TOX: variants seen among roughly 807,000 people sequenced by gnomAD.
TOX encodes the protein thymocyte selection associated high mobility group box.
In TOX, 11 loss-of-function variants were observed where a neutral mutation model predicts 53.7. That is an observed-to-expected ratio of 0.20 (90% CI 0.13 to 0.34). The LOEUF (loss-of-function observed/expected upper bound fraction) is 0.34. Ranked by LOEUF, TOX falls within the 10% of genes least tolerant of loss-of-function variation. The probability of loss-of-function intolerance (pLI) is 1.00; values close to 1 mark genes in which losing one functional copy is unlikely to be tolerated. For missense variants in TOX, 570 were observed against 664.6 expected, an observed-to-expected ratio of 0.86 and a Z score of 1.56; for synonymous variants, 225 against 245.3, an observed-to-expected ratio of 0.92 and a Z score of 0.77.
In TOX at chr8:58,806,504, CTGTT is replaced by C. The variant is rs754780518; in HGVS notation, c.*1239_*1242del. 36 of 152,236 alleles carry C rather than the reference CTGTT, an allele frequency of 2.4e-4. No homozygotes were observed. The highest frequency in any genetic ancestry group is 8.5e-4 in the African/African-American group (35 of 41,394). The allele number at this position is 152,236 out of a possible 1,614,324, so 9.4% of individuals were successfully genotyped here. On this transcript the variant is annotated 3_prime_UTR_variant, in exon 9 of 9. Transcript: ENST00000361421. ...AACCTTTTTAAGACAGAGGACCTGT[CTGTT>C]TGTTTAGTCTTGGAGCTTGTGTGAC... is the stretch of plus-strand genomic sequence containing the variant.
intron 1 of TOX, among the ~76,000 whole-genome samples, chr8:58,985,004 G>A (rs1338556354): frequency 1.3e-5 from 2 of 150,634 alleles, no homozygotes; most frequent in Non-Finnish European, 3.0e-5. Context: ...AGTCTATATA[G>A]ACTATGGACA....
At chr8:58,908,451 C>T (rs370887234) in intron 3 of TOX, among the ~76,000 whole-genome samples, 6 of 152,180 alleles carry the variant, frequency 3.9e-5, no homozygotes, top group African/African-American at 1.4e-4. Context: ...CCACGCTGTT[C>T]CCCATGCCTT....
At chr8:59,037,509 A>C (rs1184510217) in intron 1 of TOX, among the ~76,000 whole-genome samples, 1 of 152,140 alleles carries the variant, frequency 6.6e-6, no homozygotes, top group East Asian at 1.9e-4. Context: ...TTGGGTCTAC[A>C]TATTTCTTCA....
At chr8:59,070,658 T>C (rs1318006614) in intron 1 of TOX, among the ~76,000 whole-genome samples, 1 of 152,116 alleles carries the variant, frequency 6.6e-6, no homozygotes, top group African/African-American at 2.4e-5. Flanking sequence ...ATGCGTCCTC[T>C]ACTAAGATCC....
chr8:59,004,277 A>C (rs1019574635), intron 1 of TOX, among the ~76,000 whole-genome samples: 1 of 152,324 alleles, frequency 6.6e-6, no homozygotes, highest in South Asian at 2.1e-4. Flanking sequence ...CCATGTTCTA[A>C]TTTATCTTTG....
chr8:59,061,839 C>G (rs992258369), intron 1 of TOX, among the ~76,000 whole-genome samples: 10 of 152,066 alleles, frequency 6.6e-5, no homozygotes, highest in Non-Finnish European at 1.3e-4. Context: ...CCATGCCCAG[C>G]CCCTGCCAGG....
At chr8:59,002,232 C>T (rs1813702745) in intron 1 of TOX, among the ~76,000 whole-genome samples, 1 of 147,830 alleles carries the variant, frequency 6.8e-6, no homozygotes, top group South Asian at 2.6e-4. Flanking sequence ...CCTCGGCCTC[C>T]CAAAGTGCTG....
At chr8:58,978,618 G>A (rs948263615) in intron 1 of TOX, among the ~76,000 whole-genome samples, 1 of 152,150 alleles carries the variant, frequency 6.6e-6, no homozygotes, top group Non-Finnish European at 1.5e-5. Flanking sequence ...TAGGTACACA[G>A]CAAAACTGAG....
chr8:59,055,391 A>G (rs1024880564), intron 1 of TOX, among the ~76,000 whole-genome samples: 3 of 152,186 alleles, frequency 2.0e-5, no homozygotes, highest in Non-Finnish European at 4.4e-5. Context: ...ACAAGGGCCC[A>G]CATGAATGCT....
intron 5 of TOX, among the ~76,000 whole-genome samples, chr8:58,831,692 T>C (rs1810456558): frequency 6.6e-6 from 1 of 152,190 alleles, no homozygotes; most frequent in Non-Finnish European, 1.5e-5. Context: ...AGGCCTGGTC[T>C]CTTTTGTTCA....
intron 4 of TOX, among the ~76,000 whole-genome samples, chr8:58,848,264 A>G (rs1482383281): frequency 6.6e-6 from 1 of 152,028 alleles, no homozygotes; most frequent in African/African-American, 2.4e-5. Flanking sequence ...TAATCTCAAA[A>G]TGGGAAATTA....
chr8:58,981,153 T>C (rs1474247880), intron 1 of TOX, among the ~76,000 whole-genome samples: 1 of 152,206 alleles, frequency 6.6e-6, no homozygotes, highest in Non-Finnish European at 1.5e-5. Flanking sequence ...AGTTACCACA[T>C]AGAACTGAAC....
At chr8:58,822,256 T>G (rs1810294098) in intron 6 of TOX, among the ~76,000 whole-genome samples, 1 of 152,250 alleles carries the variant, frequency 6.6e-6, no homozygotes, top group South Asian at 2.1e-4. Context: ...AATGTGGACT[T>G]AAACACCTTT....
At chr8:58,929,300 A>T (rs2129175545) in intron 3 of TOX, among the ~76,000 whole-genome samples, 1 of 152,316 alleles carries the variant, frequency 6.6e-6, no homozygotes, top group African/African-American at 2.4e-5. Flanking sequence ...AGTCAAATCT[A>T]GTATTTTAAT....
intron 1 of TOX, among the ~76,000 whole-genome samples, chr8:59,052,903 CAT>C (rs1324442721): frequency 2.0e-5 from 3 of 152,060 alleles, no homozygotes; most frequent in African/African-American, 7.2e-5. Flanking sequence ...TTTCGTATCA[CAT>C]ATATAGAACC....
At chr8:58,855,787 A>G (rs1007463565) in intron 3 of TOX, among the ~76,000 whole-genome samples, 10 of 152,110 alleles carry the variant, frequency 6.6e-5, no homozygotes, top group Non-Finnish European at 4.4e-5. Context: ...CATCTACTCT[A>G]TTGTTCAGTC....
chr8:59,025,409 C>T (rs1295481239), intron 1 of TOX, among the ~76,000 whole-genome samples: 1 of 152,100 alleles, frequency 6.6e-6, no homozygotes, highest in East Asian at 1.9e-4. Flanking sequence ...GAGGCCAGTC[C>T]ACCCTCCACG....
intron 1 of TOX, among the ~76,000 whole-genome samples, chr8:59,047,888 A>G (rs1308430159): frequency 1.3e-5 from 2 of 152,202 alleles, no homozygotes; most frequent in Non-Finnish European, 2.9e-5. Flanking sequence ...ACAGGAAAAA[A>G]TTATTGCAAT....
At position 58,851,415 on chromosome 8, in the gene TOX, T is replaced by C. The variant is rs1186695198; in HGVS notation, c.693+109A>G. 2 of 1,256,080 alleles carry C rather than the reference T, an allele frequency of 1.6e-6. No homozygotes were observed. Among genetic ancestry groups the C allele is most frequent in the Non-Finnish European group, 2.2e-6 (2 of 898,972 alleles). The allele number at this position is 1,256,080 out of a possible 1,614,324, so 77.8% of individuals were successfully genotyped here. ...TCATGCTTCATTAACAAAGCAGGTG[T>C]CTCCCTCCAATGTTTCTCGCATGGA... On this transcript the variant is annotated intron_variant, in intron 4 of 8. Transcript: ENST00000361421. The surrounding 1 kb of genome is among the most constrained non-coding windows in gnomAD (Gnocchi z 4.4).
Sources: gnomAD v4.1 joint callset for allele counts (sites outside exome capture counted in the v4.1 genomes callset) on GRCh38, gnomAD v4.1.1 for gene constraint, Gnocchi (gnomAD v3.1) non-coding constraint, MANE v1.5 for transcripts, NCBI Gene and HGNC (gene_info 2026-07-23, HGNC 2026-07-21) for gene names.